BCL2A1: variants seen among roughly 807,000 people sequenced by gnomAD.
BCL2A1 encodes BCL2 related protein A1, also known as bcl-2-related protein A1.
In BCL2A1, 10 loss-of-function variants were observed where a neutral mutation model predicts 14.4. That is an observed-to-expected ratio of 0.69 (90% CI 0.43 to 1.18). The LOEUF (loss-of-function observed/expected upper bound fraction) is 1.18. BCL2A1 is among the 50% of genes most tolerant of loss of function. The probability of loss-of-function intolerance (pLI) is 0.00; values close to 1 mark genes in which losing one functional copy is unlikely to be tolerated. For missense variants in BCL2A1, 158 were observed against 205.0 expected, an observed-to-expected ratio of 0.77 and a Z score of 1.40; for synonymous variants, 71 against 76.5, an observed-to-expected ratio of 0.93 and a Z score of 0.38.
chr15:79,962,497 T>C (rs2035499356), intron 1 of BCL2A1, among the ~76,000 whole-genome samples: 1 of 152,104 alleles, frequency 6.6e-6, no homozygotes, highest in Admixed American at 6.6e-5. Context: ...CTCCCCTTCC[T>C]AGAATTTTCA....
chr15:79,966,765 G>A (rs1383642971), intron 1 of BCL2A1, among the ~76,000 whole-genome samples: 2 of 152,032 alleles, frequency 1.3e-5, no homozygotes, highest in Non-Finnish European at 2.9e-5. Flanking sequence ...TATGGAAGAG[G>A]ACAAAAAGAG....
At chr15:79,967,129 C>T (rs1249996223) in intron 1 of BCL2A1, among the ~76,000 whole-genome samples, 1 of 151,634 alleles carries the variant, frequency 6.6e-6, no homozygotes, top group East Asian at 1.9e-4. Flanking sequence ...GTACAATTCA[C>T]ACAGGTAGTA....
intron 1 of BCL2A1, among the ~76,000 whole-genome samples, chr15:79,962,044 C>A (rs2035494731): frequency 6.6e-6 from 1 of 152,060 alleles, no homozygotes; most frequent in Non-Finnish European, 1.5e-5. Context: ...CAAACAAGTG[C>A]CAAAAGAATT....
rs781632051 is a variant in BCL2A1, at chr15:79,970,774, T to C, written c.346A>G (p.Lys116Glu). ...TCCGCAACAAAATATGAAATCTCCT[T>C]ATAGGTATCCACATCCGGGGCAATT... The part of the protein sequence containing the change: ...QQIAPDVDTY[K>E]EISYFVAEFI... Residue 116 changes from lysine (K) to glutamate (E), a missense_variant, in exon 1 of 2, where the codon AAG becomes GAG. Lys to Glu is a moderately conservative substitution (Grantham distance 56, BLOSUM62 1). Transcript: ENST00000267953. The C allele has an allele frequency of 3.7e-6, 6 of 1,614,224 alleles. No homozygotes were observed. Among genetic ancestry groups the C allele is most frequent in the Non-Finnish European group, 5.1e-6 (6 of 1,180,024 alleles).
chr15:79,970,466 T>C (rs2035582447), intron 1 of BCL2A1, among the ~76,000 whole-genome samples: 2 of 152,236 alleles, frequency 1.3e-5, no homozygotes, highest in Admixed American at 1.3e-4. Flanking sequence ...CTGTAATTTA[T>C]ACTGTTAAGA....
intron 1 of BCL2A1, chr15:79,967,578 A>G: frequency 6.5e-7 from 1 of 1,533,876 alleles, no homozygotes; most frequent in Non-Finnish European, 8.9e-7. Context: ...ATTTAATTAA[A>G]TTATAGATTG....
intron 1 of BCL2A1, among the ~76,000 whole-genome samples, chr15:79,969,966 G>T (rs1029619566): frequency 3.9e-5 from 6 of 151,976 alleles, no homozygotes; most frequent in Non-Finnish European, 7.4e-5. Flanking sequence ...GCTGTGTCAG[G>T]CTTTTTACCA....
chr15:79,968,009 C>A (rs541578611), intron 1 of BCL2A1, among the ~76,000 whole-genome samples: 12 of 151,950 alleles, frequency 7.9e-5, no homozygotes, highest in African/African-American at 2.9e-4. Flanking sequence ...TGTATCTACA[C>A]TCGGGAGAGG....
intron 1 of BCL2A1, 31 bp from the exon 2 acceptor site, chr15:79,961,205 A>G (rs2035487930): frequency 1.3e-6 from 2 of 1,583,728 alleles, no homozygotes; most frequent in African/African-American, 1.4e-5. Flanking sequence ...CACTTTAAAC[A>G]TCATTGGAGA....
chr15:79,964,721 A>G (rs1424482170), intron 1 of BCL2A1, among the ~76,000 whole-genome samples: 1 of 152,252 alleles, frequency 6.6e-6, no homozygotes, highest in East Asian at 1.9e-4. Flanking sequence ...ATGTCCAGTC[A>G]TGAAAACTAT....
intron 1 of BCL2A1, chr15:79,967,526 T>C: frequency 8.1e-7 from 1 of 1,235,922 alleles, no homozygotes; most frequent in Non-Finnish European, 1.1e-6. Flanking sequence ...CATACCGCAT[T>C]GTTGATTCAA....
intron 1 of BCL2A1, among the ~76,000 whole-genome samples, chr15:79,961,725 A>G (rs1464971508): frequency 6.6e-6 from 1 of 152,230 alleles, no homozygotes; most frequent in East Asian, 1.9e-4. Context: ...AATTAAACTA[A>G]TACCTTTGAA....
chr15:79,961,708 A>T (rs2035492365), intron 1 of BCL2A1, among the ~76,000 whole-genome samples: 2 of 152,232 alleles, frequency 1.3e-5, no homozygotes, highest in African/African-American at 4.8e-5. Context: ...AACTCACAGT[A>T]AATCCAAATT....
chr15:79,961,589 C>CT (rs35477622), intron 1 of BCL2A1, among the ~76,000 whole-genome samples: 5 of 151,184 alleles, frequency 3.3e-5, no homozygotes, highest in South Asian at 2.1e-4. Flanking sequence ...GATAGAAAGC[C>CT]TTTTTTTTTC....
chr15:79,966,452 C>T (rs955408403), intron 1 of BCL2A1, among the ~76,000 whole-genome samples: 4 of 152,164 alleles, frequency 2.6e-5, no homozygotes, highest in South Asian at 4.1e-4. Context: ...TAAGTAGACA[C>T]AATTTCTCCC....
rs1050701134 is a variant in BCL2A1 at position 79,971,139 on chromosome 15, A to G, written c.-20T>C. ...TGTCATCTTCTGCCTGGTGGAGAGC[A>G]AAGTCTTGAGCTGGCTCACCTTGAA... On this transcript the variant is annotated 5_prime_UTR_variant, in exon 1 of 2. Transcript: ENST00000267953. 1 of 1,607,338 alleles carries G rather than the reference A, an allele frequency of 6.2e-7. No homozygotes were observed. The highest frequency in any genetic ancestry group is 8.5e-7 in the Non-Finnish European group (1 of 1,175,870).
At chr15:79,966,500 C>T (rs533474371) in intron 1 of BCL2A1, among the ~76,000 whole-genome samples, 12 of 152,296 alleles carry the variant, frequency 7.9e-5, no homozygotes, top group African/African-American at 2.9e-4. Context: ...TCTACTCCCC[C>T]AGCATATGCA....
At chr15:79,969,385 C>A (rs894944982) in intron 1 of BCL2A1, among the ~76,000 whole-genome samples, 7 of 152,082 alleles carry the variant, frequency 4.6e-5, no homozygotes, top group Admixed American at 4.6e-4. Context: ...ACTACACACA[C>A]GCACAAGGGA....
intron 1 of BCL2A1, 113 bp from the exon 2 acceptor site, chr15:79,961,287 C>A: frequency 1.0e-6 from 1 of 997,990 alleles, no homozygotes; most frequent in African/African-American, 1.6e-5. Context: ...TCTACCCCTT[C>A]TACCCCTGTT....
Sources: allele counts gnomAD v4.1 joint callset (sites outside exome capture counted in the v4.1 genomes callset), GRCh38; gene constraint gnomAD v4.1.1; transcripts MANE v1.5; gene names NCBI Gene and HGNC (gene_info 2026-07-23, HGNC 2026-07-21).